The following PDCD11 variants were observed in gnomAD, a reference collection of about 807,000 sequenced individuals.
PDCD11 encodes protein RRP5 homolog.
A neutral mutation model predicts 198.9 loss-of-function variants in PDCD11; 97 were observed. The ratio of observed to expected loss-of-function variants is 0.49; its 90% CI spans 0.41 to 0.58. The LOEUF (loss-of-function observed/expected upper bound fraction) is 0.58, where lower values mean the gene tolerates loss of function less well. PDCD11 is among the 20% of genes least tolerant of loss of function. The pLI is 0.00. For synonymous variants in PDCD11, 893 were observed against 918.0 expected (o/e 0.97, Z 0.49); for missense variants, 2,102 against 2,312.7 (o/e 0.91, Z 1.87).
In PDCD11 at chr10:103,438,754, G is replaced by A. The variant is rs776253401; in HGVS notation, c.3971G>A (p.Gly1324Glu). Residue 1324 changes from glycine (G) to glutamate (E), a missense_variant, in exon 27 of 36, where the codon GGG (glycine) becomes GAG (glutamate). Physicochemically the swap from Gly to Glu is moderately conservative, Grantham distance 98. Coordinates refer to ENST00000369797, the MANE Select transcript of PDCD11 (RefSeq NM_014976.2). ...EINSIQDIKE[G>E]QLLRGYVGSI... ...AACTCCATCCAGGACATTAAGGAAG[G>A]GCAGCTTCTGAGGGGCTATGTAGGG... 2.2e-5 allele frequency: 36 copies of A among 1,614,158 alleles called. No homozygotes were observed. Among genetic ancestry groups the A allele is most frequent in the Non-Finnish European group, 3.0e-5 (35 of 1,180,008 alleles).
chr10:103,444,993 C>T (rs2032542446), intron 35 of PDCD11, among the ~76,000 whole-genome samples: 1 of 152,212 alleles, frequency 6.6e-6, no homozygotes, highest in South Asian at 2.1e-4. Flanking sequence ...ACCCCAGCGT[C>T]TCCACAAGAC....
intron 21 of PDCD11, among the ~76,000 whole-genome samples, chr10:103,427,892 C>G (rs941208790): frequency 6.6e-6 from 1 of 152,020 alleles, no homozygotes; most frequent in African/African-American, 2.4e-5. Context: ...ATTGATAGAC[C>G]CTTAGTGAAT....
intron 4 of PDCD11, among the ~76,000 whole-genome samples, chr10:103,403,577 AGAGT>A (rs2030249153): frequency 1.3e-5 from 2 of 152,142 alleles, no homozygotes; most frequent in African/African-American, 4.8e-5. Context: ...AGAGCAAGAG[AGAGT>A]GTGATGTGAG....
intron 27 of PDCD11, among the ~76,000 whole-genome samples, chr10:103,439,181 A>G (rs576480434): frequency 6.6e-6 from 1 of 152,224 alleles, no homozygotes; most frequent in Non-Finnish European, 1.5e-5. Flanking sequence ...GTCTCCAGAA[A>G]AAAATTAAAA....
chr10:103,403,323 A>G, intron 4 of PDCD11, 38 bp downstream of exon 4: 1 of 1,576,154 alleles, frequency 6.3e-7, no homozygotes, highest in South Asian at 1.1e-5. Flanking sequence ...ATTGAAAATA[A>G]GTGGAACACA....
chr10:103,443,615 C>T (rs2032479738), intron 33 of PDCD11, among the ~76,000 whole-genome samples: 1 of 152,198 alleles, frequency 6.6e-6, no homozygotes, highest in Non-Finnish European at 1.5e-5. Flanking sequence ...AAGGGGACGT[C>T]CCGGCCCAGC....
intron 12 of PDCD11, 110 bp from the exon 13 acceptor site, chr10:103,416,381 G>C: frequency 9.5e-7 from 1 of 1,057,504 alleles, no homozygotes; most frequent in Non-Finnish European, 1.4e-6. Flanking sequence ...AGCTATAGCA[G>C]GTTCTTGGGG....
chr10:103,405,526 T>A (rs1214581907), intron 5 of PDCD11, among the ~76,000 whole-genome samples: 7 of 151,854 alleles, frequency 4.6e-5, no homozygotes, highest in Admixed American at 4.6e-4. Context: ...TGCCTCAACC[T>A]CCTGAGGCAG....
intron 30 of PDCD11, 75 bp downstream of exon 30, chr10:103,440,925 CTT>C (rs2032361158): frequency 9.9e-7 from 1 of 1,007,630 alleles, no homozygotes; most frequent in Middle Eastern, 2.2e-4. Flanking sequence ...GCCTCATCCT[CTT>C]TTACTTCATT....
At chr10:103,405,335 C>T (rs2133680234) in intron 5 of PDCD11, 152 bp downstream of exon 5, 1 of 644,880 alleles carries the variant, frequency 1.6e-6, no homozygotes. Flanking sequence ...GTTCTTTGGG[C>T]ACTTAATGGA....
chr10:103,409,875 A>T, intron 8 of PDCD11, 69 bp downstream of exon 8: 1 of 1,113,932 alleles, frequency 9.0e-7, no homozygotes, highest in Non-Finnish European at 1.4e-6. Context: ...TATCACAGCT[A>T]GCTACAGGGA....
In PDCD11 at chr10:103,432,218, C is replaced by T; in HGVS notation, c.3458C>T (p.Thr1153Ile). 6.2e-7 allele frequency: 1 copy of T among 1,611,828 alleles called. No homozygotes were observed. Among genetic ancestry groups the T allele is most frequent in the South Asian group, 1.1e-5 (1 of 91,024 alleles). Residue 1153 changes from threonine (T) to isoleucine (I), a missense_variant, in exon 22 of 36, where the codon ACT (threonine) becomes ATT (isoleucine). Physicochemically the swap from Thr to Ile is moderately conservative, Grantham distance 89. Transcript: ENST00000369797. ...CAGTACCAGGCCGGCCAGACTGTTACTTGCTTCTTAAAGAAAGTAAGTAGT... is the reference window on the plus strand; with the variant it reads ...CAGTACCAGGCCGGCCAGACTGTTATTTGCTTCTTAAAGAAAGTAAGTAGT... Reference protein sequence around the residue: ...IKQYQAGQTVTCFLKKYNVVK... With the variant: ...IKQYQAGQTVICFLKKYNVVK...
intron 7 of PDCD11, among the ~76,000 whole-genome samples, chr10:103,408,614 C>A (rs6584549): frequency 0.015 from 2,213 of 152,174 alleles, 40 homozygotes; most frequent in African/African-American, 0.045. Flanking sequence ...GATCTCGGCT[C>A]ATTGCAGCCT....
At chr10:103,400,808 G>A (rs879377486) in intron 3 of PDCD11, among the ~76,000 whole-genome samples, 5 of 152,064 alleles carry the variant, frequency 3.3e-5, no homozygotes, top group Admixed American at 3.3e-4. Context: ...CTGGAATGCA[G>A]GCATGATCAT....
At chr10:103,412,661 C>T (rs897090933) in intron 8 of PDCD11, among the ~76,000 whole-genome samples, 6 of 152,060 alleles carry the variant, frequency 3.9e-5, no homozygotes, top group Non-Finnish European at 7.4e-5. Flanking sequence ...GATGAGGTTT[C>T]GCCATGTTGG....
intron 3 of PDCD11, 48 bp from the exon 4 acceptor site, chr10:103,403,070 A>G (rs766930821): frequency 1.3e-6 from 2 of 1,558,236 alleles, no homozygotes; most frequent in East Asian, 4.5e-5. Context: ...AACCTTCCCT[A>G]TTGTTGTTCC....
chr10:103,416,598 T>C lies in PDCD11; in HGVS notation c.1626T>C (p.Gly542=). Residue 542 remains glycine (G), a synonymous_variant, in exon 13 of 36, where the codon GGT becomes GGC. Coordinates refer to ENST00000369797, the MANE Select transcript of PDCD11 (RefSeq NM_014976.2). ...CCTGCTATGCCGATGCCAAGCCTGG[T>C]CTGCAGACACATGGCTTCATCATCA... ...VITCYADAKP[G]LQTHGFIIRV... 1 of 1,614,200 alleles carries C rather than the reference T, an allele frequency of 6.2e-7. No homozygotes were observed. The highest frequency in any genetic ancestry group is 1.1e-5 in the South Asian group (1 of 91,082).
At chr10:103,424,939 A>G (rs1592131220) in intron 19 of PDCD11, 45 bp from the exon 20 acceptor site, 1 of 1,597,556 alleles carries the variant, frequency 6.3e-7, no homozygotes, top group Non-Finnish European at 8.5e-7. Context: ...GTGAGTGACC[A>G]TGCTGTGTAA....
Position 103,396,664 on chromosome 10 carries a change from G to A in PDCD11, c.-78G>A, listed in dbSNP as rs2093437573. 1 of 152,376 alleles carries A rather than the reference G, an allele frequency of 6.6e-6. No homozygotes were observed. Among genetic ancestry groups the A allele is most frequent in the African/African-American group, 2.4e-5 (1 of 41,468 alleles). The allele number at this position is 152,376 out of a possible 1,614,324, so 9.4% of individuals were successfully genotyped here. On this transcript the variant is annotated 5_prime_UTR_variant, in exon 1 of 36. Transcript: ENST00000369797. ...AATTGCACTGGACTGTGGGTATCCT[G>A]GTCTCCGCGTGTGTGAGTACCGCGG... is the stretch of plus-strand genomic sequence containing the variant.
Sources: allele counts gnomAD v4.1 joint callset (sites outside exome capture counted in the v4.1 genomes callset), GRCh38; gene constraint gnomAD v4.1.1; transcripts MANE v1.5; gene names NCBI Gene and HGNC (gene_info 2026-07-23, HGNC 2026-07-21).